Variants in ZSCAN5A observed in about 807,000 individuals in gnomAD.
ZSCAN5A encodes the protein zinc finger and SCAN domain containing 5A.
Under a neutral mutation model 23.7 loss-of-function variants are expected in ZSCAN5A, and 12 were observed. The observed-to-expected ratio is 0.51, with a 90% confidence interval of 0.32 to 0.82. The LOEUF (loss-of-function observed/expected upper bound fraction) is 0.82, where lower values mean the gene tolerates loss of function less well. Among genes scored for constraint, ZSCAN5A ranks in the 40% least tolerant of loss-of-function variants. The probability of loss-of-function intolerance (pLI) is 0.03; values close to 1 mark genes in which losing one functional copy is unlikely to be tolerated. For synonymous variants in ZSCAN5A, 257 were observed against 239.9 expected (o/e 1.07, Z -0.66); for missense variants, 597 against 617.9 (o/e 0.97, Z 0.36).
chr19:56,262,415 TTTTTTTTG>T (rs1555799483), intron 2 of ZSCAN5A, among the ~76,000 whole-genome samples: 6 of 151,742 alleles, frequency 4.0e-5, no homozygotes, highest in East Asian at 1.9e-4. Flanking sequence ...TCTAATTTTT[TTTTTTTTG>T]TTTTTTTGTT....
intron 2 of ZSCAN5A, among the ~76,000 whole-genome samples, chr19:56,278,571 C>T (rs1166033086): frequency 6.6e-6 from 1 of 152,168 alleles, no homozygotes; most frequent in Non-Finnish European, 1.5e-5. Context: ...CATATAGATA[C>T]ATATATAGAT....
intron 2 of ZSCAN5A, among the ~76,000 whole-genome samples, chr19:56,234,197 C>G (rs1245173357): frequency 6.6e-6 from 1 of 152,182 alleles, no homozygotes; most frequent in Non-Finnish European, 1.5e-5. Context: ...AGCATGTTCC[C>G]ATTTTCAAGG....
At chr19:56,324,942 C>A (rs961039667) in intron 2 of ZSCAN5A, among the ~76,000 whole-genome samples, 1 of 152,170 alleles carries the variant, frequency 6.6e-6, no homozygotes, top group African/African-American at 2.4e-5. Flanking sequence ...TGAGCCCAGT[C>A]GTGAAGGGCC....
chr19:56,259,621 T>C (rs1048108225), intron 2 of ZSCAN5A, among the ~76,000 whole-genome samples: 5 of 152,188 alleles, frequency 3.3e-5, no homozygotes, highest in Admixed American at 3.3e-4. Context: ...TAAAAATGGA[T>C]TTTAAGGGAG....
chr19:56,293,364 T>C (rs773811508), intron 2 of ZSCAN5A, among the ~76,000 whole-genome samples: 14 of 152,170 alleles, frequency 9.2e-5, no homozygotes, highest in Non-Finnish European at 1.8e-4. Context: ...AACGGTGCTA[T>C]TAAACAATGC....
chr19:56,247,830 T>G (rs974560564), intron 2 of ZSCAN5A, among the ~76,000 whole-genome samples: 1 of 152,132 alleles, frequency 6.6e-6, no homozygotes, highest in Admixed American at 6.5e-5. Flanking sequence ...TAGCTGGGAC[T>G]ACAGGCGCCT....
chr19:56,226,712 G>A (rs1244064686), intron 2 of ZSCAN5A, among the ~76,000 whole-genome samples: 1 of 152,190 alleles, frequency 6.6e-6, no homozygotes, highest in East Asian at 1.9e-4. Context: ...CCGCTCCGGG[G>A]CAGGTACACA....
intron 2 of ZSCAN5A, among the ~76,000 whole-genome samples, chr19:56,289,915 T>TCA (rs1163123964): frequency 6.6e-6 from 1 of 152,158 alleles, no homozygotes; most frequent in Non-Finnish European, 1.5e-5. Context: ...CTTCTGACCC[T>TCA]CACAAATGTT....
chr19:56,245,509 G>T, intron 2 of ZSCAN5A: 1 of 411,212 alleles, frequency 2.4e-6, no homozygotes, highest in Non-Finnish European at 4.4e-6. Flanking sequence ...CTGATTGAGA[G>T]ATTTGGCACA....
chr19:56,243,249 G>A (rs1228298564), intron 2 of ZSCAN5A, among the ~76,000 whole-genome samples: 10 of 152,222 alleles, frequency 6.6e-5, no homozygotes, highest in Non-Finnish European at 1.2e-4. Flanking sequence ...TGATGGGGAT[G>A]GGGTTCCTTT....
chr19:56,352,246 C>T lies in ZSCAN5A; in HGVS notation c.-358+10989G>A, dbSNP rs114062640. On this transcript the variant is annotated intron_variant, in intron 2 of 6. Coordinates refer to the ZSCAN5A transcript ENST00000587340. The surrounding 1 kb of genome is among the most constrained non-coding windows in gnomAD (Gnocchi z 4.2). ...CCTCCCAAGTAGCTGGGACTACAGG[C>T]GCCGATAGTGTGGTGTTTTAACAAA... Among the ~76,000 whole-genome samples the T allele has an allele frequency of 9.5e-3, 1,440 of 152,168 alleles. 16 individuals carry two copies. Among genetic ancestry groups the T allele is most frequent in the African/African-American group, 0.033 (1,353 of 41,494 alleles).
intron 2 of ZSCAN5A, among the ~76,000 whole-genome samples, chr19:56,270,149 GA>G (rs11350502): frequency 0.47 from 69,063 of 145,550 alleles, 16,430 homozygotes; most frequent in Admixed American, 0.53. Flanking sequence ...CACGCTGGGT[GA>G]AAAAAAAAAA....
At chr19:56,250,632 A>G (rs1472505965) in intron 2 of ZSCAN5A, among the ~76,000 whole-genome samples, 1 of 152,164 alleles carries the variant, frequency 6.6e-6, no homozygotes, top group Non-Finnish European at 1.5e-5. Flanking sequence ...TCTTGAGGCC[A>G]GTGTCTGATA....
intron 2 of ZSCAN5A, among the ~76,000 whole-genome samples, chr19:56,339,834 G>A (rs540823412): frequency 2.0e-5 from 3 of 152,178 alleles, no homozygotes; most frequent in African/African-American, 7.2e-5. Flanking sequence ...AGCAATATGT[G>A]AAGGAGCGGT....
intron 2 of ZSCAN5A, among the ~76,000 whole-genome samples, chr19:56,265,113 C>T (rs1190627232): frequency 6.6e-6 from 1 of 151,948 alleles, no homozygotes; most frequent in Non-Finnish European, 1.5e-5. Context: ...CAGAGTGAGA[C>T]TCCATCTCAA....
intron 2 of ZSCAN5A, chr19:56,338,448 GC>G (rs1181135945): frequency 6.6e-6 from 1 of 152,178 alleles, no homozygotes; most frequent in Non-Finnish European, 1.5e-5. Context: ...TTCCCTGAGT[GC>G]TACTATAACT....
Position 56,234,524 on chromosome 19 carries a change from C to A in ZSCAN5A, c.-127-9351G>T, listed in dbSNP as rs572372825. Among the ~76,000 whole-genome samples, 14 of 152,168 alleles carry A rather than the reference C, an allele frequency of 9.2e-5. No individual in the cohort carries two copies. In the South Asian group the frequency reaches 2.7e-3, roughly 29 times the overall value. ...AAAAAAAAACAACAAGGAAGTAAAA[C>A]CAAAGACAGGCAGCCCGGCGCCAGG... On this transcript the variant is annotated intron_variant, in intron 2 of 5. Transcript: ENST00000683990.
In ZSCAN5A at chr19:56,277,866, T is replaced by C. The variant is rs532248143; in HGVS notation, c.-128+35417A>G. Among the ~76,000 whole-genome samples, 5 of 152,280 alleles carry C rather than the reference T, an allele frequency of 3.3e-5. No homozygotes were observed. The East Asian group carries it at 5.8e-4, about 18-fold the overall frequency. On this transcript the variant is annotated intron_variant, in intron 2 of 5. Transcript: ENST00000683990. ...ACTTCACCACTGCACAATTCATCCA[T>C]GTCACCAAAAACCACTTGTACCCCT...
chr19:56,344,569 G>A (rs933991362), intron 2 of ZSCAN5A, among the ~76,000 whole-genome samples: 9 of 151,696 alleles, frequency 5.9e-5, no homozygotes, highest in Non-Finnish European at 1.0e-4. Context: ...TCAGGAGATC[G>A]AGACCATCCT....
Sources: allele counts gnomAD v4.1 joint callset (sites outside exome capture counted in the v4.1 genomes callset), GRCh38; gene constraint gnomAD v4.1.1; non-coding constraint Gnocchi (gnomAD v3.1); transcripts MANE v1.5; gene names NCBI Gene and HGNC (gene_info 2026-07-23, HGNC 2026-07-21).